The following SOS1 variants were observed in gnomAD, a reference collection of about 807,000 sequenced individuals.
SOS1 encodes the protein son of sevenless homolog 1.
SOS1 carries 25 observed loss-of-function variants against 157.6 expected under a neutral mutation model. The observed-to-expected ratio is 0.16, with a 90% CI of 0.12 to 0.22. The LOEUF is 0.22. SOS1 is among the 10% of genes least tolerant of loss of function. SOS1 has a pLI of 1.00. For synonymous variants in SOS1, 528 were observed against 534.0 expected (o/e 0.99, Z 0.16); for missense variants, 1,237 against 1,599.1 (o/e 0.77, Z 3.86).
At chr2:39,040,189 TG>T (rs1485462551) in intron 6 of SOS1, among the ~76,000 whole-genome samples, 3 of 151,802 alleles carry the variant, frequency 2.0e-5, no homozygotes, top group East Asian at 1.9e-4. Flanking sequence ...TTTTTTTTTT[TG>T]TATTTTTTAG....
chr2:39,089,428 A>T (rs557615318), intron 1 of SOS1, among the ~76,000 whole-genome samples: 162 of 148,904 alleles, frequency 1.1e-3, no homozygotes, highest in Admixed American at 2.6e-3. Context: ...GCTACTCGGG[A>T]GGCTGAAGCA....
At chr2:39,090,527 C>G (rs1672553855) in intron 1 of SOS1, among the ~76,000 whole-genome samples, 1 of 151,556 alleles carries the variant, frequency 6.6e-6, no homozygotes, top group Admixed American at 6.6e-5. Context: ...AAAACCCCAT[C>G]TCTATTAAAA....
chr2:39,019,791 CA>C (rs1287120157), intron 10 of SOS1, among the ~76,000 whole-genome samples: 30 of 151,260 alleles, frequency 2.0e-4, no homozygotes, highest in Middle Eastern at 6.8e-3. Context: ...CTATGCATTC[CA>C]ATGGAAGTGT....
intron 1 of SOS1, among the ~76,000 whole-genome samples, chr2:39,100,161 A>T (rs2148203553): frequency 6.6e-6 from 1 of 152,356 alleles, no homozygotes; most frequent in Middle Eastern, 3.4e-3. Context: ...TTTTGGTAAG[A>T]GATAACAAGT....
At chr2:38,988,760 A>G (rs1173276543) in intron 21 of SOS1, among the ~76,000 whole-genome samples, 1 of 152,148 alleles carries the variant, frequency 6.6e-6, no homozygotes, top group Non-Finnish European at 1.5e-5. Flanking sequence ...CTTACAATTA[A>G]AATGGAACTT....
At chr2:39,070,828 G>C (rs1402231542) in intron 1 of SOS1, among the ~76,000 whole-genome samples, 4 of 152,088 alleles carry the variant, frequency 2.6e-5, no homozygotes, top group African/African-American at 9.7e-5. Flanking sequence ...AGAGTTAAAA[G>C]GGACTTTAGA....
intron 6 of SOS1, among the ~76,000 whole-genome samples, chr2:39,050,578 C>T (rs1189797288): frequency 2.6e-5 from 4 of 152,084 alleles, no homozygotes; most frequent in African/African-American, 9.7e-5. Context: ...CTTCAGCACC[C>T]CAAGTCTGAA....
At chr2:39,048,644 C>T (rs971380899) in intron 6 of SOS1, among the ~76,000 whole-genome samples, 1 of 151,826 alleles carries the variant, frequency 6.6e-6, no homozygotes, top group African/African-American at 2.4e-5. Flanking sequence ...TCAAGCAATC[C>T]ACCTGCCTCA....
chr2:39,044,594 A>C (rs1308731428), intron 6 of SOS1, among the ~76,000 whole-genome samples: 2 of 152,244 alleles, frequency 1.3e-5, no homozygotes, highest in Non-Finnish European at 2.9e-5. Context: ...ACCTTTGAAC[A>C]ACCCGTGGGT....
intron 2 of SOS1, among the ~76,000 whole-genome samples, chr2:39,065,260 T>C (rs1671554701): frequency 6.6e-6 from 1 of 152,196 alleles, no homozygotes; most frequent in Non-Finnish European, 1.5e-5. Context: ...AAGACACCAT[T>C]TGCTATGGTC....
At chr2:39,075,530 G>A (rs1671939245) in intron 1 of SOS1, among the ~76,000 whole-genome samples, 1 of 151,812 alleles carries the variant, frequency 6.6e-6, no homozygotes, top group Non-Finnish European at 1.5e-5. Flanking sequence ...AAAGTCACGT[G>A]TGGTGGTTGA....
At chr2:39,027,726 G>A (rs888947064) in intron 8 of SOS1, among the ~76,000 whole-genome samples, 1 of 152,024 alleles carries the variant, frequency 6.6e-6, no homozygotes, top group African/African-American at 2.4e-5. Context: ...AATTACATTT[G>A]TACAAAGGCA....
intron 20 of SOS1, chr2:38,993,869 T>C (rs755393463): frequency 6.6e-6 from 1 of 152,194 alleles, no homozygotes; most frequent in African/African-American, 2.4e-5. Context: ...CATGTGGAAA[T>C]GGTCATGAAA....
intron 1 of SOS1, among the ~76,000 whole-genome samples, chr2:39,114,721 C>T (rs1673582376): frequency 1.3e-5 from 2 of 151,764 alleles, no homozygotes; most frequent in African/African-American, 4.8e-5. Context: ...CTCAGCCTCC[C>T]GAGTAGCTGG....
At chr2:39,089,252 A>C (rs1249100494) in intron 1 of SOS1, among the ~76,000 whole-genome samples, 1 of 152,238 alleles carries the variant, frequency 6.6e-6, no homozygotes, top group Non-Finnish European at 1.5e-5. Context: ...GGCCCGGCAC[A>C]GTGGCCCATA....
chr2:39,049,983 G>C (rs1670949015), intron 6 of SOS1, among the ~76,000 whole-genome samples: 1 of 152,122 alleles, frequency 6.6e-6, no homozygotes, highest in Non-Finnish European at 1.5e-5. Context: ...CCAGATACCA[G>C]AGTTCACTAC....
intron 17 of SOS1, among the ~76,000 whole-genome samples, chr2:39,000,849 C>G (rs1038874015): frequency 6.6e-6 from 1 of 152,062 alleles, no homozygotes; most frequent in Non-Finnish European, 1.5e-5. Context: ...TATATTGTTT[C>G]AAAATAGAAG....
intron 6 of SOS1, among the ~76,000 whole-genome samples, chr2:39,041,150 C>G (rs938109917): frequency 3.3e-5 from 5 of 152,110 alleles, no homozygotes; most frequent in African/African-American, 1.2e-4. Flanking sequence ...CCTCAACCTC[C>G]TGGGCTCAAG....
At chr2:39,031,998 A>G (rs551615716) in intron 8 of SOS1, among the ~76,000 whole-genome samples, 2 of 152,262 alleles carry the variant, frequency 1.3e-5, no homozygotes, top group Admixed American at 6.5e-5. Context: ...AAGTCACACT[A>G]TTTTTAATTT....
Sources: allele counts gnomAD v4.1 joint callset (sites outside exome capture counted in the v4.1 genomes callset), GRCh38; gene constraint gnomAD v4.1.1; transcripts MANE v1.5; gene names NCBI Gene and HGNC (gene_info 2026-07-23, HGNC 2026-07-21).